JAK2: variants seen among roughly 807,000 people sequenced by gnomAD.
JAK2 encodes the protein tyrosine-protein kinase JAK2.
In JAK2, 86 loss-of-function variants were observed where a neutral mutation model predicts 139.3. The observed-to-expected ratio is 0.62, with a 90% CI of 0.52 to 0.74. The LOEUF is 0.74. Among genes scored for constraint, JAK2 ranks in the 30% least tolerant of loss-of-function variants. The pLI is 0.00. For synonymous variants in JAK2, 490 were observed against 437.7 expected, an observed-to-expected ratio of 1.12 and a Z score of -1.49; for missense variants, 1,421 against 1,360.3, an observed-to-expected ratio of 1.04 and a Z score of -0.70.
chr9:5,057,381 T>C (rs916291831), intron 8 of JAK2, among the ~76,000 whole-genome samples: 7 of 152,168 alleles, frequency 4.6e-5, no homozygotes, highest in Admixed American at 1.3e-4. Context: ...TTTCTCTTTA[T>C]AATTTTGGTA....
rs2130590843 is a variant in JAK2 at position 5,078,381 on chromosome 9, G to A, written c.2068G>A (p.Gly690Arg). The A allele has an allele frequency of 6.2e-7, 1 of 1,612,968 alleles. No individual in the cohort carries two copies. Among genetic ancestry groups the A allele is most frequent in the Non-Finnish European group, 8.5e-7 (1 of 1,179,214 alleles). Residue 690 changes from glycine to arginine, a missense_variant, in exon 16 of 25, where the codon GGA (glycine) becomes AGA (arginine). Transcript: ENST00000381652. ...LLIREEDRKT[G>R]NPPFIKLSDP... ...TATCAGAGAAGAAGACAGGAAGACA[G>A]GAAATCCTCCTTTCATCAAACTTAG...
chr9:5,077,868 G>A (rs538037551), intron 15 of JAK2, among the ~76,000 whole-genome samples: 1 of 152,312 alleles, frequency 6.6e-6, no homozygotes, highest in Admixed American at 6.5e-5. Context: ...TTATGCAGAA[G>A]TATGTGCTTC....
chr9:5,000,927 C>T (rs907312306), intron 2 of JAK2, among the ~76,000 whole-genome samples: 1 of 152,180 alleles, frequency 6.6e-6, no homozygotes, highest in African/African-American at 2.4e-5. Context: ...AATTGGCTAG[C>T]CCTGGAAGGA....
intron 2 of JAK2, among the ~76,000 whole-genome samples, chr9:5,013,190 T>A (rs540958420): frequency 1.1e-4 from 17 of 152,206 alleles, no homozygotes; most frequent in African/African-American, 4.1e-4. Context: ...AGCACTTTTT[T>A]TCTAATAACT....
At chr9:5,124,025 T>C (rs894829661) in intron 23 of JAK2, among the ~76,000 whole-genome samples, 8 of 151,784 alleles carry the variant, frequency 5.3e-5, no homozygotes, top group African/African-American at 1.7e-4. Flanking sequence ...AAAATGTCTA[T>C]TGATCTCCTT....
At chr9:5,072,695 C>T (rs978793335) in intron 13 of JAK2, 69 bp downstream of exon 13, 20 of 1,147,396 alleles carry the variant, frequency 1.7e-5, no homozygotes, top group South Asian at 5.2e-5. Flanking sequence ...ATGCATACAA[C>T]GTACTCATGT....
Position 5,080,600 on chromosome 9 carries a change from T to TA in JAK2, c.2354dup (p.Asn785LysfsTer2). The TA allele has an allele frequency of 6.2e-7, 1 of 1,608,296 alleles. No homozygotes were observed. Among genetic ancestry groups the TA allele is most frequent in the Non-Finnish European group, 8.5e-7 (1 of 1,178,344 alleles). On this transcript the variant is annotated frameshift_variant, in exon 18 of 25. Transcript: ENST00000381652. LOFTEE classifies it high-confidence loss of function. Reference sequence around the variant, plus strand: ...AAGTGGGCAGAATTAGCAAACCTTATAAATAATTGTATGGATTATGAACCA... The same window carrying TA: ...AAGTGGGCAGAATTAGCAAACCTTATAAAATAATTGTATGGATTATGAACCA...
At chr9:5,061,396 A>G (rs942922860) in intron 8 of JAK2, among the ~76,000 whole-genome samples, 29 of 152,202 alleles carry the variant, frequency 1.9e-4, no homozygotes, top group Admixed American at 2.6e-4. Flanking sequence ...ATCTTCATCA[A>G]TGGTCCTTAC....
At chr9:5,092,997 A>C (rs1820703654) in intron 22 of JAK2, among the ~76,000 whole-genome samples, 1 of 152,202 alleles carries the variant, frequency 6.6e-6, no homozygotes, top group Admixed American at 6.5e-5. Context: ...AAAGTGTTCA[A>C]GCTCAACATC....
chr9:5,033,652 T>C (rs542091774), intron 4 of JAK2, among the ~76,000 whole-genome samples: 1 of 152,260 alleles, frequency 6.6e-6, no homozygotes, highest in African/African-American at 2.4e-5. Context: ...GCTTCATATG[T>C]GAAGGAGAAA....
At position 5,129,499 on chromosome 9, in the gene JAK2, A is replaced by G. The variant is rs1824206187; in HGVS notation, c.*2708A>G. Among the ~76,000 whole-genome samples the G allele has an allele frequency of 6.6e-6, 1 of 152,118 alleles. No individual in the cohort carries two copies. The highest frequency in any genetic ancestry group is 6.5e-5 in the Admixed American group (1 of 15,270). On this transcript the variant is annotated 3_prime_UTR_variant, in exon 25 of 25. Coordinates refer to ENST00000381652, the MANE Select transcript of JAK2 (RefSeq NM_004972.4). ...CATGAAAGTTTCTCTAATATTTCTA[A>G]TGAAAGTTTCTCTAATTTGGGGGCA...
Position 5,032,855 on chromosome 9 carries a change from GA to G in JAK2, c.350+2951del, listed in dbSNP as rs1172770112. Among the ~76,000 whole-genome samples the G allele has an allele frequency of 1.2e-3, 189 of 152,286 alleles. 1 individual carries two copies. The highest frequency in any genetic ancestry group is 4.1e-3 in the African/African-American group (172 of 41,564). On this transcript the variant is annotated intron_variant, in intron 4 of 24. Transcript: ENST00000381652. ...TGAGAGCACCTCTCCTCCTCCAAAG[GA>G]ACGCAGCTCCTTACCAGCAACGGAA...
intron 8 of JAK2, among the ~76,000 whole-genome samples, chr9:5,062,324 G>C (rs1818237761): frequency 6.6e-6 from 1 of 151,732 alleles, no homozygotes. Flanking sequence ...CTGTACAATA[G>C]TTACATCAAA....
At chr9:4,984,819 C>G (rs931661685), upstream of JAK2, 6 of 152,274 alleles carry the variant, frequency 3.9e-5, no homozygotes, top group Non-Finnish European at 8.8e-5. Flanking sequence ...ACACACCCGC[C>G]CATCTAGTGA....
intron 23 of JAK2, chr9:5,125,858 A>G (rs1290922645): frequency 6.6e-6 from 1 of 151,990 alleles, no homozygotes. Flanking sequence ...AGAGCTGTCT[A>G]TATTGAAAAT....
At chr9:5,121,992 A>G (rs1823650177) in intron 22 of JAK2, among the ~76,000 whole-genome samples, 1 of 152,178 alleles carries the variant, frequency 6.6e-6, no homozygotes, top group East Asian at 1.9e-4. Flanking sequence ...GATATGTAAA[A>G]TTTGTAAAGA....
rs60356569 is a variant in JAK2 at position 4,987,734 on chromosome 9, TAA to T, written c.-26+1728_-26+1729del. Among the ~76,000 whole-genome samples the T allele has an allele frequency of 2.8e-3, 351 of 126,624 alleles. 1 individual carries two copies. Among genetic ancestry groups the T allele is most frequent in the African/African-American group, 2.9e-3 (95 of 33,178 alleles). 83.1% of individuals were successfully genotyped at this position (126,624 alleles called of 152,430 possible). ...CTGGGCAACACAGCAAGACTCTGTCTAAAAAAAAAAAAAAAAAGAAAGAAAAA... is the reference window on the plus strand; with the variant it reads ...CTGGGCAACACAGCAAGACTCTGTCTAAAAAAAAAAAAAAAGAAAGAAAAA... On this transcript the variant is annotated intron_variant, in intron 2 of 24. Transcript: ENST00000381652.
At chr9:5,016,452 C>A (rs1822066403) in intron 2 of JAK2, among the ~76,000 whole-genome samples, 1 of 151,708 alleles carries the variant, frequency 6.6e-6, no homozygotes, top group Non-Finnish European at 1.5e-5. Flanking sequence ...AGCCTGCAAA[C>A]CAAATTGCAA....
At chr9:5,013,116 A>G (rs1821807387) in intron 2 of JAK2, among the ~76,000 whole-genome samples, 1 of 152,214 alleles carries the variant, frequency 6.6e-6, no homozygotes. Flanking sequence ...TCAAAGTATG[A>G]AAGCTTGTTA....
Sources: allele counts gnomAD v4.1 joint callset (sites outside exome capture counted in the v4.1 genomes callset), GRCh38; gene constraint gnomAD v4.1.1; transcripts MANE v1.5; gene names NCBI Gene and HGNC (gene_info 2026-07-23, HGNC 2026-07-21).